EIF4G3: variants seen among roughly 807,000 people sequenced by gnomAD.
The protein encoded by EIF4G3 is eIF-4-gamma 3.
EIF4G3 carries 34 observed loss-of-function variants against 186.4 expected under a neutral mutation model. The observed-to-expected ratio is 0.18, with a 90% CI of 0.14 to 0.24. The LOEUF (loss-of-function observed/expected upper bound fraction) is 0.24, where lower values mean the gene tolerates loss of function less well. Ranked by LOEUF, EIF4G3 falls within the 10% of genes least tolerant of loss-of-function variation. EIF4G3 has a pLI of 1.00. For missense variants in EIF4G3, 1,536 were observed against 1,948.5 expected, an observed-to-expected ratio of 0.79 and a Z score of 3.99; for synonymous variants, 673 against 679.5, an observed-to-expected ratio of 0.99 and a Z score of 0.15.
chr1:20,978,330 C>G (rs2077267736), intron 10 of EIF4G3, among the ~76,000 whole-genome samples: 1 of 152,026 alleles, frequency 6.6e-6, no homozygotes, highest in Non-Finnish European at 1.5e-5. Context: ...ATATATGTAA[C>G]ACATTATTGT....
intron 12 of EIF4G3, among the ~76,000 whole-genome samples, chr1:20,964,147 C>A (rs2074093687): frequency 6.6e-6 from 1 of 152,128 alleles, no homozygotes; most frequent in African/African-American, 2.4e-5. Context: ...GAGCGAGTAA[C>A]AAAATTCTTC....
At position 20,857,398 on chromosome 1, in the gene EIF4G3, C is replaced by T; in HGVS notation, c.3339+5G>A. The T allele has an allele frequency of 6.2e-7, 1 of 1,612,048 alleles. No individual in the cohort carries two copies. The highest frequency in any genetic ancestry group is 8.5e-7 in the Non-Finnish European group (1 of 1,178,238). On this transcript the variant is annotated splice_donor_5th_base_variant and intron_variant, in intron 25 of 36. Transcript: ENST00000602326. ...CGTAAATTGTACTTTAAATGTCAGACTCACCTTAGTGATTTTTAGGAATTT... is the reference window on the plus strand; with the variant it reads ...CGTAAATTGTACTTTAAATGTCAGATTCACCTTAGTGATTTTTAGGAATTT...
At chr1:21,120,127 G>A (rs1013389255) in intron 2 of EIF4G3, among the ~76,000 whole-genome samples, 1 of 148,578 alleles carries the variant, frequency 6.7e-6, no homozygotes, top group African/African-American at 2.5e-5. Flanking sequence ...ATTTATTTTC[G>A]CACAATGGAG....
At chr1:20,852,429 A>C (rs763339596) in intron 27 of EIF4G3, among the ~76,000 whole-genome samples, 3 of 152,258 alleles carry the variant, frequency 2.0e-5, no homozygotes, top group Non-Finnish European at 4.4e-5. Context: ...ACTATCTCAG[A>C]AATTATGCAA....
At chr1:20,884,552 C>CA (rs1390477191) in intron 19 of EIF4G3, among the ~76,000 whole-genome samples, 1 of 152,164 alleles carries the variant, frequency 6.6e-6, no homozygotes, top group Non-Finnish European at 1.5e-5. Flanking sequence ...AAGCATTTCT[C>CA]ACGGAGATTG....
intron 4 of EIF4G3, among the ~76,000 whole-genome samples, chr1:21,044,649 G>T (rs10916925): frequency 0.034 from 4,219 of 123,546 alleles, 213 homozygotes; most frequent in African/African-American, 0.11. Flanking sequence ...TTTTTTTTTT[G>T]TTTTTTTTTT....
chr1:21,027,193 A>T (rs78976872), intron 4 of EIF4G3, among the ~76,000 whole-genome samples: 2,009 of 132,254 alleles, frequency 0.015, 42 homozygotes, highest in African/African-American at 0.054. Flanking sequence ...CACACATACA[A>T]TTTTTTTTTT....
chr1:20,962,038 C>T (rs1452148969), intron 12 of EIF4G3, among the ~76,000 whole-genome samples: 8 of 152,162 alleles, frequency 5.3e-5, no homozygotes, highest in Admixed American at 5.2e-4. Context: ...TCAAATTCTT[C>T]ATGCAGGAAT....
intron 29 of EIF4G3, among the ~76,000 whole-genome samples, chr1:20,846,237 GGA>G (rs1374475129): frequency 2.0e-5 from 3 of 152,090 alleles, no homozygotes; most frequent in Admixed American, 1.3e-4. Context: ...CTGCAAACAG[GGA>G]GAGTTTGACT....
intron 2 of EIF4G3, among the ~76,000 whole-genome samples, chr1:21,171,819 G>C (rs2097979289): frequency 6.6e-6 from 1 of 152,172 alleles, no homozygotes; most frequent in South Asian, 2.1e-4. Context: ...CTACTACAAT[G>C]AAAGAGCCAA....
At chr1:20,812,372 C>T (rs1188749842) in intron 35 of EIF4G3, among the ~76,000 whole-genome samples, 1 of 152,164 alleles carries the variant, frequency 6.6e-6, no homozygotes, top group African/African-American at 2.4e-5. Context: ...TTCATGAAGA[C>T]TTTCTACTTA....
chr1:21,015,368 G>A (rs985050091), intron 4 of EIF4G3, among the ~76,000 whole-genome samples: 1 of 151,856 alleles, frequency 6.6e-6, no homozygotes. Context: ...AAAATAATGG[G>A]GGAAAACTTC....
intron 2 of EIF4G3, among the ~76,000 whole-genome samples, chr1:21,118,343 G>A (rs1166898194): frequency 6.6e-6 from 1 of 152,120 alleles, no homozygotes; most frequent in Non-Finnish European, 1.5e-5. Flanking sequence ...CAACTAAAAT[G>A]CAATTAACGA....
intron 36 of EIF4G3, 38 bp from the exon 37 acceptor site, chr1:20,807,538 A>G (rs757302807): frequency 6.7e-7 from 1 of 1,484,652 alleles, no homozygotes; most frequent in Admixed American, 2.1e-5. Flanking sequence ...GCTTTGGGAC[A>G]CTGTAGTTAT....
intron 4 of EIF4G3, chr1:21,003,721 C>A (rs1437019952): frequency 7.0e-6 from 3 of 429,338 alleles, no homozygotes; most frequent in African/African-American, 6.3e-5. Context: ...CTGATCACTC[C>A]ACACTTGTTT....
Position 20,810,621 on chromosome 1 carries a change from TTG to T in EIF4G3, c.4744+115_4744+116del, listed in dbSNP as rs2059058394. The T allele has an allele frequency of 1.7e-6, 2 of 1,208,212 alleles. No individual in the cohort carries two copies. Among genetic ancestry groups the T allele is most frequent in the Non-Finnish European group, 2.3e-6 (2 of 851,872 alleles). 74.8% of individuals were successfully genotyped at this position (1,208,212 alleles called of 1,614,324 possible). ...ATTTATTAAAGTTAGTTATATGAGT[TTG>T]TGTTATTAGTGATTCTTTTATTGTC... On this transcript the variant is annotated intron_variant, in intron 36 of 36. Transcript: ENST00000602326. This position sits in a 1 kb window ranked among gnomAD's most constrained non-coding sequence, Gnocchi z 4.1.
Position 20,817,690 on chromosome 1 carries a change from T to G in EIF4G3, c.4369-152A>C, listed in dbSNP as rs912015150. ...CTATTTTATGTTTGTAGTTTTTTTT[T>G]TTTTTTTTTTTTTGAGACAGGGTCT... On this transcript the variant is annotated intron_variant, in intron 33 of 36. Transcript: ENST00000602326. 26 of 446,774 alleles carry G rather than the reference T, an allele frequency of 5.8e-5. 1 individual carries two copies. Among genetic ancestry groups the G allele is most frequent in the East Asian group, 1.3e-4 (3 of 23,474 alleles). 27.7% of individuals were successfully genotyped at this position (446,774 alleles called of 1,614,324 possible).
intron 4 of EIF4G3, among the ~76,000 whole-genome samples, chr1:21,036,170 G>C (rs2093179447): frequency 6.6e-6 from 1 of 151,094 alleles, no homozygotes; most frequent in South Asian, 2.1e-4. Context: ...GAGAGCTGCA[G>C]AGACAATGGG....
intron 6 of EIF4G3, chr1:20,999,239 A>C (rs1301873984): frequency 3.7e-6 from 1 of 272,746 alleles, no homozygotes; most frequent in Non-Finnish European, 7.5e-6. Context: ...AATATAATAT[A>C]GTTTTTCAGA....
Sources: gnomAD v4.1 joint callset for allele counts (sites outside exome capture counted in the v4.1 genomes callset) on GRCh38, gnomAD v4.1.1 for gene constraint, Gnocchi (gnomAD v3.1) non-coding constraint, MANE v1.5 for transcripts, NCBI Gene and HGNC (gene_info 2026-07-23, HGNC 2026-07-21) for gene names.